The following THSD4 variants were observed in gnomAD, a reference collection of about 807,000 sequenced individuals.
THSD4 encodes the protein thrombospondin type 1 domain containing 4, also known as thrombospondin type-1 domain-containing protein 4.
THSD4 carries 69 observed loss-of-function variants against 119.0 expected under a neutral mutation model. The ratio of observed to expected loss-of-function variants is 0.58; its 90% CI spans 0.48 to 0.71. The LOEUF (loss-of-function observed/expected upper bound fraction) is 0.71, where lower values mean the gene tolerates loss of function less well. Among genes scored for constraint, THSD4 ranks in the 30% least tolerant of loss-of-function variants. THSD4 has a pLI of 0.00. For synonymous variants in THSD4, 524 were observed against 540.4 expected (o/e 0.97, Z 0.42); for missense variants, 1,393 against 1,391.1 (o/e 1.00, Z -0.02).
At chr15:71,629,725 T>A (rs1875416) in intron 7 of THSD4, among the ~76,000 whole-genome samples, 31,354 of 152,128 alleles carry the variant, frequency 0.21, 3,794 homozygotes, top group African/African-American at 0.32. Context: ...AGCCTCCCTG[T>A]AAGCTTCTCT....
chr15:71,549,715 A>G, intron 7 of THSD4: 1 of 152,164 alleles, frequency 6.6e-6, no homozygotes, highest in Non-Finnish European at 1.5e-5. Flanking sequence ...ACACATGAGG[A>G]GAAGGAAGAA....
chr15:71,655,731 G>A (rs934543148), intron 7 of THSD4, among the ~76,000 whole-genome samples: 9 of 152,172 alleles, frequency 5.9e-5, no homozygotes, highest in Non-Finnish European at 1.3e-4. Flanking sequence ...GCACAAGAAC[G>A]CATATTCTCC....
intron 6 of THSD4, among the ~76,000 whole-genome samples, chr15:71,359,465 T>C (rs1172218608): frequency 1.3e-5 from 2 of 152,194 alleles, no homozygotes; most frequent in African/African-American, 4.8e-5. Flanking sequence ...TTAGTGAAGT[T>C]AAGAGCCTTC....
chr15:71,353,466 G>A (rs16955484), intron 6 of THSD4, among the ~76,000 whole-genome samples: 28,683 of 152,168 alleles, frequency 0.19, 3,487 homozygotes, highest in East Asian at 0.54. Flanking sequence ...CTAAACTGTG[G>A]TTTCCTTTAA....
At chr15:71,677,231 G>A (rs1009002393) in intron 8 of THSD4, among the ~76,000 whole-genome samples, 12 of 152,192 alleles carry the variant, frequency 7.9e-5, no homozygotes, top group Non-Finnish European at 1.6e-4. Flanking sequence ...CCCTGGAGAC[G>A]ATTAAGTCAC....
At chr15:71,159,812 C>T (rs185257181) in intron 3 of THSD4, among the ~76,000 whole-genome samples, 90 of 151,986 alleles carry the variant, frequency 5.9e-4, no homozygotes, top group African/African-American at 2.0e-3. Context: ...GCTAGGAATT[C>T]CTATGTTGAT....
intron 4 of THSD4, among the ~76,000 whole-genome samples, chr15:71,216,869 C>T (rs1198289682): frequency 6.6e-6 from 1 of 152,188 alleles, no homozygotes; most frequent in Non-Finnish European, 1.5e-5. Flanking sequence ...ACCATCTGGG[C>T]TCACTGCAGC....
chr15:71,168,559 C>T (rs2043318621), intron 3 of THSD4, among the ~76,000 whole-genome samples: 1 of 152,100 alleles, frequency 6.6e-6, no homozygotes, highest in Admixed American at 6.5e-5. Flanking sequence ...CTTTTTTAAC[C>T]TGTTATTTAT....
intron 7 of THSD4, among the ~76,000 whole-genome samples, chr15:71,515,767 G>T (rs933932328): frequency 6.6e-6 from 1 of 152,180 alleles, no homozygotes; most frequent in African/African-American, 2.4e-5. Context: ...CTCCTGGATT[G>T]TTCCAGGTTG....
At chr15:71,564,310 G>A (rs1357202684) in intron 7 of THSD4, among the ~76,000 whole-genome samples, 1 of 152,176 alleles carries the variant, frequency 6.6e-6, no homozygotes, top group Non-Finnish European at 1.5e-5. Context: ...GAAAACTGTT[G>A]TACTGTGTGT....
At chr15:71,199,394 T>G (rs2043747757) in intron 3 of THSD4, among the ~76,000 whole-genome samples, 1 of 151,072 alleles carries the variant, frequency 6.6e-6, no homozygotes, top group South Asian at 2.1e-4. Context: ...TATCGTAGAG[T>G]AGGTTTTCTC....
intron 8 of THSD4, among the ~76,000 whole-genome samples, chr15:71,721,664 T>C (rs1260039234): frequency 1.4e-5 from 1 of 70,606 alleles, no homozygotes; most frequent in Non-Finnish European, 3.5e-5. Context: ...AGTGAGACCC[T>C]GTCTCAAAAA....
intron 6 of THSD4, among the ~76,000 whole-genome samples, chr15:71,331,934 A>T (rs1031257068): frequency 6.6e-6 from 1 of 151,810 alleles, no homozygotes; most frequent in Admixed American, 6.6e-5. Flanking sequence ...AGCAGACATC[A>T]AGACAGGACT....
chr15:71,510,714 C>G (rs2048269851), intron 7 of THSD4, among the ~76,000 whole-genome samples: 2 of 152,198 alleles, frequency 1.3e-5, no homozygotes, highest in South Asian at 2.1e-4. Context: ...CACGGTCTCT[C>G]TACAGACCTT....
intron 7 of THSD4, among the ~76,000 whole-genome samples, chr15:71,640,094 T>G (rs2050826573): frequency 6.6e-6 from 1 of 152,242 alleles, no homozygotes; most frequent in Middle Eastern, 3.4e-3. Context: ...AACTTTCTTT[T>G]TCTTTTATTG....
At chr15:71,397,648 A>C (rs937164318) in intron 6 of THSD4, among the ~76,000 whole-genome samples, 1 of 152,202 alleles carries the variant, frequency 6.6e-6, no homozygotes, top group Non-Finnish European at 1.5e-5. Context: ...TAGGGAGAGA[A>C]TATGTACTCA....
chr15:71,414,434 T>C (rs1311050439), intron 7 of THSD4, among the ~76,000 whole-genome samples: 1 of 152,224 alleles, frequency 6.6e-6, no homozygotes, highest in African/African-American at 2.4e-5. Context: ...CAGTAGGGCC[T>C]GGGGAAGGGC....
At chr15:71,361,384 G>C (rs888355829) in intron 6 of THSD4, among the ~76,000 whole-genome samples, 1 of 152,154 alleles carries the variant, frequency 6.6e-6, no homozygotes, top group African/African-American at 2.4e-5. Context: ...AGTTCTTAAA[G>C]GTGCAAATAC....
At chr15:71,329,947 G>T (rs1412555812) in intron 6 of THSD4, among the ~76,000 whole-genome samples, 8 of 152,264 alleles carry the variant, frequency 5.3e-5, no homozygotes, top group Admixed American at 5.2e-4. Context: ...AGGCATAGTG[G>T]CACGTGCCTG....
Sources: gnomAD v4.1 joint callset for allele counts (sites outside exome capture counted in the v4.1 genomes callset) on GRCh38, gnomAD v4.1.1 for gene constraint, MANE v1.5 for transcripts, NCBI Gene and HGNC (gene_info 2026-07-23, HGNC 2026-07-21) for gene names.